POU2F1: variants seen among roughly 807,000 people sequenced by gnomAD.
The protein encoded by POU2F1 is POU domain, class 2, transcription factor 1.
In POU2F1, 16 loss-of-function variants were observed where a neutral mutation model predicts 84.9. The ratio of observed to expected loss-of-function variants is 0.19; its 90% CI spans 0.13 to 0.29. The LOEUF (loss-of-function observed/expected upper bound fraction) is 0.29. Ranked by LOEUF, POU2F1 falls within the 10% of genes least tolerant of loss-of-function variation. POU2F1 has a pLI of 1.00. For missense variants in POU2F1, 738 were observed against 942.6 expected, an observed-to-expected ratio of 0.78 and a Z score of 2.84; for synonymous variants, 368 against 368.3, an observed-to-expected ratio of 1.00 and a Z score of 0.01.
intron 1 of POU2F1, among the ~76,000 whole-genome samples, chr1:167,263,597 A>G (rs1392587484): frequency 6.6e-6 from 1 of 152,084 alleles, no homozygotes; most frequent in Non-Finnish European, 1.5e-5. Flanking sequence ...GTTATGTACC[A>G]CAGATAGATA....
intron 4 of POU2F1, among the ~76,000 whole-genome samples, chr1:167,371,533 T>G (rs1659998846): frequency 1.3e-5 from 2 of 152,172 alleles, no homozygotes; most frequent in Admixed American, 1.3e-4. Flanking sequence ...AGATGGTATA[T>G]GGAGAAGTTT....
At chr1:167,255,440 A>G (rs1651059341) in intron 1 of POU2F1, among the ~76,000 whole-genome samples, 1 of 152,242 alleles carries the variant, frequency 6.6e-6, no homozygotes, top group Admixed American at 6.5e-5. Flanking sequence ...GGAAATTGCA[A>G]GTAGTTGGCA....
chr1:167,322,631 G>A (rs1443885445), intron 1 of POU2F1, among the ~76,000 whole-genome samples: 1 of 152,206 alleles, frequency 6.6e-6, no homozygotes, highest in African/African-American at 2.4e-5. Context: ...GGTCGGTCAT[G>A]GAGACCCTAA....
chr1:167,391,008 G>A (rs76446449), intron 9 of POU2F1, among the ~76,000 whole-genome samples: 18 of 151,992 alleles, frequency 1.2e-4, no homozygotes, highest in Non-Finnish European at 1.9e-4. Context: ...TTTAAAGAAG[G>A]GTGAATATAT....
chr1:167,275,086 G>A (rs1652636142), intron 1 of POU2F1, among the ~76,000 whole-genome samples: 1 of 139,772 alleles, frequency 7.2e-6, no homozygotes, highest in South Asian at 2.2e-4. Flanking sequence ...TGGAGTGCAC[G>A]ATCACAGCTC....
intron 7 of POU2F1, 139 bp downstream of exon 7, chr1:167,376,294 G>A (rs779197589): frequency 9.0e-5 from 101 of 1,118,596 alleles, no homozygotes; most frequent in South Asian, 4.2e-4. Flanking sequence ...ATAAACTTTC[G>A]TTTAAAAAAA....
chr1:167,315,624 TTTTG>T (rs535224611), intron 1 of POU2F1, among the ~76,000 whole-genome samples: 1,531 of 151,856 alleles, frequency 0.01, 22 homozygotes, highest in African/African-American at 0.033. Context: ...AAAAATTGTT[TTTTG>T]TTTGTTTGTT....
intron 3 of POU2F1, among the ~76,000 whole-genome samples, chr1:167,369,088 G>GTT (rs1307665863): frequency 2.0e-5 from 3 of 152,172 alleles, no homozygotes; most frequent in African/African-American, 7.2e-5. Context: ...TTCTAGCCTA[G>GTT]TTTATAGTCT....
chr1:167,331,128 CAT>C (rs1657057222), intron 1 of POU2F1, among the ~76,000 whole-genome samples: 1 of 152,000 alleles, frequency 6.6e-6, no homozygotes, highest in African/African-American at 2.4e-5. Flanking sequence ...TGACCACAAA[CAT>C]ATGAATTTTA....
At chr1:167,221,122 AG>A (rs1571102781) in intron 1 of POU2F1, among the ~76,000 whole-genome samples, 164 bp downstream of exon 1, 2 of 148,660 alleles carry the variant, frequency 1.3e-5, no homozygotes, top group East Asian at 2.0e-4. Context: ...CGCTGAGCGG[AG>A]GGGGAAAGAG....
intron 1 of POU2F1, among the ~76,000 whole-genome samples, chr1:167,293,056 T>C (rs1295640092): frequency 6.6e-6 from 1 of 152,140 alleles, no homozygotes; most frequent in African/African-American, 2.4e-5. Context: ...CATCATACTC[T>C]ATGGGAAAAA....
At chr1:167,342,331 A>G (rs1008367230) in intron 2 of POU2F1, among the ~76,000 whole-genome samples, 1 of 152,236 alleles carries the variant, frequency 6.6e-6, no homozygotes, top group African/African-American at 2.4e-5. Context: ...CATAAATACA[A>G]TAGTATTTTT....
At chr1:167,384,015 T>C (rs962121045) in intron 8 of POU2F1, 64 bp downstream of exon 8, 12 of 1,303,110 alleles carry the variant, frequency 9.2e-6, no homozygotes, top group African/African-American at 2.1e-5. Context: ...TTTTGGACTT[T>C]ATTTAATTTT....
Position 167,224,686 on chromosome 1 carries a change from A to G in POU2F1, c.61+3728A>G, listed in dbSNP as rs1054849692. Among the ~76,000 whole-genome samples the G allele has an allele frequency of 2.0e-5, 3 of 152,186 alleles. No homozygotes were observed. The South Asian group carries it at 6.2e-4, about 32-fold the overall frequency. On this transcript the variant is annotated intron_variant, in intron 1 of 15. Coordinates refer to ENST00000367866, the MANE Select transcript of POU2F1 (RefSeq NM_002697.4). ...AATGTGATAAAATTGCTTTATTTCT[A>G]ACCTGAATTTGTGATCCAATTTTGA...
At position 167,423,914 on chromosome 1, in the gene POU2F1, C is replaced by T. The variant is rs572771872; in HGVS notation, c.*8104C>T. 14 of 152,356 alleles carry T rather than the reference C, an allele frequency of 9.2e-5. No homozygotes were observed. In the East Asian group the frequency reaches 2.7e-3, roughly 29 times the overall value. The allele number at this position is 152,356 out of a possible 1,614,324, so 9.4% of individuals were successfully genotyped here. On this transcript the variant is annotated 3_prime_UTR_variant, in exon 16 of 16. Transcript: ENST00000367866. ...GCTGTGTATAAATGAGACGTCCAAACACTTGAGTTTCTTAAGATTGGGATC... is the reference window on the plus strand; with the variant it reads ...GCTGTGTATAAATGAGACGTCCAAATACTTGAGTTTCTTAAGATTGGGATC...
chr1:167,264,746 A>G (rs1024080503), intron 1 of POU2F1, among the ~76,000 whole-genome samples: 2 of 152,162 alleles, frequency 1.3e-5, no homozygotes, highest in South Asian at 4.1e-4. Context: ...TTTTTTAAAA[A>G]AATTTATCAT....
At chr1:167,337,084 C>T (rs1657515000) in intron 2 of POU2F1, among the ~76,000 whole-genome samples, 1 of 151,744 alleles carries the variant, frequency 6.6e-6, no homozygotes, top group Admixed American at 6.6e-5. Flanking sequence ...AATTGCTTGA[C>T]CTCAGGAGGT....
At chr1:167,249,573 C>T (rs1650576232) in intron 1 of POU2F1, among the ~76,000 whole-genome samples, 1 of 152,004 alleles carries the variant, frequency 6.6e-6, no homozygotes, top group South Asian at 2.1e-4. Context: ...ATTCATGGAC[C>T]CTGTGGTCTC....
rs1183336871 is a variant in POU2F1 at position 167,376,173 on chromosome 1, G to A, written c.718+18G>A. 44 of 1,613,620 alleles carry A rather than the reference G, an allele frequency of 2.7e-5. No homozygotes were observed. Among genetic ancestry groups the A allele is most frequent in the South Asian group, 5.5e-5 (5 of 90,970 alleles). ...CCAGCAGGGTGAGCTCCTCCTTAGA[G>A]CTTATTAGTGGTATACCAAGGCTGT... On this transcript the variant is annotated intron_variant, in intron 7 of 15. Transcript: ENST00000367866.
Sources: gnomAD v4.1 joint callset for allele counts (sites outside exome capture counted in the v4.1 genomes callset) on GRCh38, gnomAD v4.1.1 for gene constraint, MANE v1.5 for transcripts, NCBI Gene and HGNC (gene_info 2026-07-23, HGNC 2026-07-21) for gene names.